RAB40C: variants seen among roughly 807,000 people sequenced by gnomAD.
RAB40C encodes RAB40C, member RAS oncogene family.
In RAB40C, 8 loss-of-function variants were observed where a neutral mutation model predicts 28.1. The observed-to-expected ratio is 0.28, with a 90% CI of 0.17 to 0.51. The LOEUF is 0.51. RAB40C is among the 20% of genes least tolerant of loss of function. The pLI is 0.97. For missense variants in RAB40C, 288 were observed against 405.9 expected (o/e 0.71, Z 2.50); for synonymous variants, 201 against 171.7 (o/e 1.17, Z -1.34).
intron 5 of RAB40C, 110 bp downstream of exon 5, chr16:626,231 T>C (rs117872096): frequency 3.5e-5 from 40 of 1,146,874 alleles, no homozygotes; most frequent in Non-Finnish European, 5.1e-5. Flanking sequence ...GGCAGGTCCC[T>C]TGGCAACGCG....
chr16:592,627 G>A (rs747862382), intron 1 of RAB40C, among the ~76,000 whole-genome samples: 3 of 152,252 alleles, frequency 2.0e-5, no homozygotes, highest in Non-Finnish European at 2.9e-5. Flanking sequence ...TGAAGGTGGC[G>A]TTGCCTTCTA....
chr16:617,182 C>T (rs755725416), intron 1 of RAB40C, 26 bp from the exon 2 acceptor site: 48 of 1,612,256 alleles, frequency 3.0e-5, no homozygotes, highest in Non-Finnish European at 4.0e-5. Flanking sequence ...TGGCGCGTCC[C>T]CTCAGCGCCC....
chr16:614,400 C>T (rs528287177), intron 1 of RAB40C, among the ~76,000 whole-genome samples: 38 of 106,674 alleles, frequency 3.6e-4, no homozygotes, highest in Non-Finnish European at 6.5e-4. Context: ...GCCTAAACCT[C>T]GTCCCGATGG....
intron 1 of RAB40C, among the ~76,000 whole-genome samples, chr16:599,665 G>T (rs2036208907): frequency 7.1e-6 from 1 of 141,140 alleles, no homozygotes; most frequent in African/African-American, 2.6e-5. Flanking sequence ...GCAAGGTTTT[G>T]TTCCCTTGTG....
intron 1 of RAB40C, among the ~76,000 whole-genome samples, chr16:598,921 C>A (rs2151062311): frequency 6.6e-6 from 1 of 152,306 alleles, no homozygotes; most frequent in Non-Finnish European, 1.5e-5. Context: ...CGTGGGTAAC[C>A]CGGTGGGAGC....
chr16:626,666 G>A (rs1043642332), intron 5 of RAB40C, among the ~76,000 whole-genome samples: 7 of 152,166 alleles, frequency 4.6e-5, no homozygotes, highest in African/African-American at 1.7e-4. Context: ...GGCCTGGCAC[G>A]GTGGCTCACT....
At chr16:602,774 C>T (rs963412308) in intron 1 of RAB40C, among the ~76,000 whole-genome samples, 2 of 152,158 alleles carry the variant, frequency 1.3e-5, no homozygotes, top group African/African-American at 2.4e-5. Flanking sequence ...GCCATGTTGC[C>T]TAGGCTAGTG....
At chr16:623,166 C>T (rs1450842327) in intron 3 of RAB40C, among the ~76,000 whole-genome samples, 1 of 152,342 alleles carries the variant, frequency 6.6e-6, no homozygotes. Flanking sequence ...GAGCCTGAGG[C>T]AGCCCATCAG....
At chr16:625,597 C>T (rs577611723) in intron 4 of RAB40C, 88 bp downstream of exon 4, 34 of 1,370,780 alleles carry the variant, frequency 2.5e-5, no homozygotes, top group Non-Finnish European at 3.0e-5. Context: ...TCCCGCCTGC[C>T]GCCCCTCCTG....
rs1280291075 is a variant in RAB40C at position 610,901 on chromosome 16, T to C, written c.143-6307T>C. Among the ~76,000 whole-genome samples, 2 of 152,138 alleles carry C rather than the reference T, an allele frequency of 1.3e-5. No homozygotes were observed. Among genetic ancestry groups the C allele is most frequent in the Admixed American group, 6.5e-5 (1 of 15,272 alleles). ...GGCCCTGTGTGGTCAGAGGGCTCCA[T>C]GTGGTCAGTGGCTGTGGCTTGCTGG... On this transcript the variant is annotated intron_variant, in intron 1 of 5. Transcript: ENST00000248139. This position sits in a 1 kb window ranked among gnomAD's most constrained non-coding sequence, Gnocchi z 4.6.
chr16:602,717 G>A (rs1174172597), intron 1 of RAB40C, among the ~76,000 whole-genome samples: 1 of 152,208 alleles, frequency 6.6e-6, no homozygotes, highest in East Asian at 1.9e-4. Context: ...ACAGGCGTGA[G>A]CCACTGTGCC....
At chr16:593,764 G>C (rs775514246) in intron 1 of RAB40C, among the ~76,000 whole-genome samples, 1 of 152,238 alleles carries the variant, frequency 6.6e-6, no homozygotes, top group Non-Finnish European at 1.5e-5. Context: ...GTGGGTGTGC[G>C]CTGGGTTTCT....
intron 3 of RAB40C, chr16:624,782 A>G: frequency 1.0e-6 from 1 of 985,480 alleles, no homozygotes. Context: ...TTCGCCCGAC[A>G]GGGCTCTGAG....
In RAB40C at chr16:610,275, G is replaced by C. The variant is rs551170707; in HGVS notation, c.143-6933G>C. On this transcript the variant is annotated intron_variant, in intron 1 of 5. Transcript: ENST00000248139. This position sits in a 1 kb window ranked among gnomAD's most constrained non-coding sequence, Gnocchi z 4.6. Reference sequence around the variant, plus strand: ...GAGCGGCTCTGACCAGGACAGTGCCGTGTGTCTCATGGGGTTGTGTTCAGG... The same window carrying C: ...GAGCGGCTCTGACCAGGACAGTGCCCTGTGTCTCATGGGGTTGTGTTCAGG... Among the ~76,000 whole-genome samples, 1 of 152,144 alleles carries C rather than the reference G, an allele frequency of 6.6e-6. No homozygotes were observed. The highest frequency in any genetic ancestry group is 2.4e-5 in the African/African-American group (1 of 41,430).
At chr16:593,365 G>C (rs1009846257) in intron 1 of RAB40C, among the ~76,000 whole-genome samples, 1 of 152,234 alleles carries the variant, frequency 6.6e-6, no homozygotes, top group Admixed American at 6.5e-5. Context: ...TTAGGCCTCT[G>C]GCCCTCGTGG....
rs151164567 is a variant in RAB40C at position 626,543 on chromosome 16, GC to G, written c.565+428del. Among the ~76,000 whole-genome samples the G allele has an allele frequency of 6.3e-3, 966 of 152,146 alleles. 17 individuals carry two copies. Among genetic ancestry groups the G allele is most frequent in the African/African-American group, 0.022 (907 of 41,500 alleles). ...ATCCTTGATCAGAGGCTCCCGTGAAGCCCCCCTCAGGGAGGTGGTACTGTTG... is the reference window on the plus strand; with the variant it reads ...ATCCTTGATCAGAGGCTCCCGTGAAGCCCCCTCAGGGAGGTGGTACTGTTG... On this transcript the variant is annotated intron_variant, in intron 5 of 5. Coordinates refer to ENST00000248139, the MANE Select transcript of RAB40C (RefSeq NM_021168.5).
intron 1 of RAB40C, among the ~76,000 whole-genome samples, chr16:607,893 A>G (rs2036397208): frequency 6.6e-6 from 1 of 152,158 alleles, no homozygotes; most frequent in Non-Finnish European, 1.5e-5. Flanking sequence ...CGCCTCAGTG[A>G]CATTTTCAGA....
chr16:627,699 G>A lies in RAB40C; in HGVS notation c.*77G>A. ...ACTCCTGGCTGGACGCCAGGCCAGTGCCGCCTACGTGGAGACTGTCCACAC... is the reference window on the plus strand; with the variant it reads ...ACTCCTGGCTGGACGCCAGGCCAGTACCGCCTACGTGGAGACTGTCCACAC... On this transcript the variant is annotated 3_prime_UTR_variant, in exon 6 of 6. Coordinates refer to ENST00000248139, the MANE Select transcript of RAB40C (RefSeq NM_021168.5). 2.1e-6 allele frequency: 3 copies of A among 1,460,488 alleles called. No individual in the cohort carries two copies. The South Asian group carries it at 4.1e-5, about 20-fold the overall frequency. The allele number at this position is 1,460,488 out of a possible 1,614,324, so 90.5% of individuals were successfully genotyped here.
intron 1 of RAB40C, among the ~76,000 whole-genome samples, chr16:594,160 C>T (rs1477305779): frequency 6.6e-6 from 1 of 152,210 alleles, no homozygotes; most frequent in Non-Finnish European, 1.5e-5. Flanking sequence ...ACAAACCTTC[C>T]TGGGAGCAAG....
Sources: allele counts gnomAD v4.1 joint callset (sites outside exome capture counted in the v4.1 genomes callset), GRCh38; gene constraint gnomAD v4.1.1; non-coding constraint Gnocchi (gnomAD v3.1); transcripts MANE v1.5; gene names NCBI Gene and HGNC (gene_info 2026-07-23, HGNC 2026-07-21).